RYR2: variants seen among roughly 807,000 people sequenced by gnomAD.
The protein encoded by RYR2 is cardiac muscle ryanodine receptor-calcium release channel.
A neutral mutation model predicts 601.1 loss-of-function variants in RYR2; 227 were observed. That is an observed-to-expected ratio of 0.38 (90% CI 0.34 to 0.42). The LOEUF (loss-of-function observed/expected upper bound fraction) is 0.42. Ranked by LOEUF, RYR2 falls within the 10% of genes least tolerant of loss-of-function variation. The pLI, the probability that RYR2 is intolerant of heterozygous loss-of-function variation, is 1.00. For synonymous variants in RYR2, 2,223 were observed against 2,175.1 expected (o/e 1.02, Z -0.61); for missense variants, 4,646 against 6,156.5 (o/e 0.75, Z 8.21).
In RYR2 at chr1:237,591,783, C is replaced by A. The variant is rs1444071182; in HGVS notation, c.4205C>A (p.Ser1402Tyr). ...RTKPDYSTSH[S>Y]ARLTEDVLAD... ...AAGCCAGATTACAGCACAAGCCATT[C>A]TGCAAGACTCACCGAAGATGTCCTT... Residue 1402 changes from serine to tyrosine, a missense_variant, in exon 32 of 105, where the codon TCT becomes TAT. Coordinates refer to ENST00000366574, the MANE Select transcript of RYR2 (RefSeq NM_001035.3). 4.3e-6 allele frequency: 7 copies of A among 1,613,714 alleles called. No homozygotes were observed. Among genetic ancestry groups the A allele is most frequent in the Non-Finnish European group, 5.9e-6 (7 of 1,179,788 alleles).
rs1318465980 is a variant in RYR2 at position 237,565,169 on chromosome 1, T to C, written c.3215-1398T>C. Among the ~76,000 whole-genome samples, 25 of 24,032 alleles carry C rather than the reference T, an allele frequency of 1.0e-3. 2 individuals carry two copies. The highest frequency in any genetic ancestry group is 0.028 in the Middle Eastern group (1 of 36). The allele number at this position is 24,032 out of a possible 152,430, so 15.8% of individuals were successfully genotyped here. ...TCTTTCTTTCTTTCTCTTTCTTTCT[T>C]TCTTTCTTTCTTTCTTTCTTTCTTT... On this transcript the variant is annotated intron_variant, in intron 27 of 104. Transcript: ENST00000366574.
At position 237,417,717 on chromosome 1, in the gene RYR2, A is replaced by C. The variant is rs73104440; in HGVS notation, c.848+594A>C. On this transcript the variant is annotated intron_variant, in intron 11 of 104. Coordinates refer to ENST00000366574, the MANE Select transcript of RYR2 (RefSeq NM_001035.3). ...AATATTTATGAAACATAAATGTATA[A>C]AGTATTTTTTTCTGATGACTTAACT... 3.0e-3 allele frequency among the ~76,000 whole-genome samples: 452 copies of C among 152,162 alleles called. 2 individuals carry two copies. Among genetic ancestry groups the C allele is most frequent in the African/African-American group, 0.01 (428 of 41,440 alleles).
At chr1:237,364,114 A>C (rs2149725798) in intron 4 of RYR2, among the ~76,000 whole-genome samples, 1 of 152,276 alleles carries the variant, frequency 6.6e-6, no homozygotes, top group East Asian at 1.9e-4. Flanking sequence ...GCATGTTTTC[A>C]CAGAAAAAGG....
chr1:237,184,334 C>T (rs1409000467), intron 1 of RYR2, among the ~76,000 whole-genome samples: 1 of 152,140 alleles, frequency 6.6e-6, no homozygotes, highest in East Asian at 1.9e-4. Context: ...CCCTTTCTCC[C>T]AATTATGAGA....
chr1:237,426,013 C>A (rs1024416929), intron 12 of RYR2, among the ~76,000 whole-genome samples: 31 of 151,476 alleles, frequency 2.0e-4, no homozygotes, highest in African/African-American at 6.5e-4. Context: ...TAATCATTAC[C>A]CTTTATTGTA....
In RYR2 at chr1:237,146,076, A is replaced by G. The variant is rs145639139; in HGVS notation, c.48+103507A>G. Among the ~76,000 whole-genome samples, 18 of 152,350 alleles carry G rather than the reference A, an allele frequency of 1.2e-4. No individual in the cohort carries two copies. In the East Asian group the frequency reaches 3.3e-3, roughly 28 times the overall value. On this transcript the variant is annotated intron_variant, in intron 1 of 104. Transcript: ENST00000366574. ...ATATTGACTGCAGAGGGACTATAGCATATATTTGGGTAACAAATTTGATAT... is the reference window on the plus strand; with the variant it reads ...ATATTGACTGCAGAGGGACTATAGCGTATATTTGGGTAACAAATTTGATAT...
intron 1 of RYR2, among the ~76,000 whole-genome samples, chr1:237,158,090 A>G (rs757485969): frequency 6.6e-6 from 1 of 152,238 alleles, no homozygotes; most frequent in Non-Finnish European, 1.5e-5. Context: ...AAAAATGGAA[A>G]TAAAAGTACC....
At chr1:237,061,291 CTA>C (rs1558164216) in intron 1 of RYR2, among the ~76,000 whole-genome samples, 1 of 111,658 alleles carries the variant, frequency 9.0e-6, no homozygotes, top group African/African-American at 3.0e-5. Context: ...ATCTATCTAT[CTA>C]TCTATCTATC....
At chr1:237,446,489 C>T (rs994470860) in intron 14 of RYR2, among the ~76,000 whole-genome samples, 12 of 151,938 alleles carry the variant, frequency 7.9e-5, no homozygotes, top group African/African-American at 2.7e-4. Flanking sequence ...ACCTTTTTAC[C>T]AGTTTATTGG....
chr1:237,450,854 G>A (rs1171785935), intron 14 of RYR2, among the ~76,000 whole-genome samples: 2 of 152,050 alleles, frequency 1.3e-5, no homozygotes, highest in African/African-American at 4.8e-5. Flanking sequence ...TCTTTCTCTT[G>A]TGCTTAACTG....
intron 1 of RYR2, among the ~76,000 whole-genome samples, chr1:237,044,601 C>A (rs532698114): frequency 6.6e-6 from 1 of 150,742 alleles, no homozygotes; most frequent in Admixed American, 6.6e-5. Flanking sequence ...GCTGTGCTGA[C>A]GACAAATGAC....
At chr1:237,346,539 A>G (rs1243720275) in intron 3 of RYR2, among the ~76,000 whole-genome samples, 1 of 152,178 alleles carries the variant, frequency 6.6e-6, no homozygotes, top group Non-Finnish European at 1.5e-5. Context: ...ATACTTAAGA[A>G]TAAAATTTCT....
At chr1:237,109,680 A>G (rs10925316) in intron 1 of RYR2, among the ~76,000 whole-genome samples, 99,605 of 150,858 alleles carry the variant, frequency 0.66, 33,584 homozygotes, top group Admixed American at 0.77. Flanking sequence ...ATATTTGCTG[A>G]CACTGCACTC....
At chr1:237,337,433 C>G (rs533892044) in intron 3 of RYR2, among the ~76,000 whole-genome samples, 22 of 152,244 alleles carry the variant, frequency 1.4e-4, no homozygotes, top group African/African-American at 5.3e-4. Context: ...TATATAAATG[C>G]AAGAGCAAAA....
chr1:237,639,058 C>G lies in RYR2; in HGVS notation c.6972C>G (p.Leu2324=). The G allele has an allele frequency of 1.2e-6, 2 of 1,613,874 alleles. No homozygotes were observed. The highest frequency in any genetic ancestry group is 1.7e-4 in the Middle Eastern group (1 of 6,046). The change falls in exon 46 of 105, where the codon CTC becomes CTG. Residue 2324 remains leucine (L), a synonymous_variant. Coordinates refer to ENST00000366574, the MANE Select transcript of RYR2 (RefSeq NM_001035.3). ...EENANVVVRL[L]IRRPECFGPA... Reference sequence around the variant, plus strand: ...ATGCAAATGTCGTGGTGAGATTGCTCATTCGGAGGCCTGAGTGTTTTGGTC... The same window carrying G: ...ATGCAAATGTCGTGGTGAGATTGCTGATTCGGAGGCCTGAGTGTTTTGGTC...
In RYR2 at chr1:237,668,026, T is replaced by TCGTC. The variant is rs1258110277; in HGVS notation, c.8590+69_8590+72dup. The TCGTC allele has an allele frequency of 4.9e-6, 6 of 1,229,632 alleles. No homozygotes were observed. The East Asian group carries it at 1.6e-4, about 32-fold the overall frequency. 76.2% of individuals were successfully genotyped at this position (1,229,632 alleles called of 1,614,324 possible). On this transcript the variant is annotated intron_variant, in intron 58 of 104. Coordinates refer to ENST00000366574, the MANE Select transcript of RYR2 (RefSeq NM_001035.3). ...CAATTCCATGAGTGTATGGATGAAG[T>TCGTC]CGTCTTCAGCACAACAGCTTATTAT...
intron 62 of RYR2, among the ~76,000 whole-genome samples, chr1:237,681,223 T>C (rs1310447063): frequency 1.3e-5 from 2 of 152,214 alleles, no homozygotes; most frequent in African/African-American, 2.4e-5. Flanking sequence ...CAAAAGTCCA[T>C]ACCAAGCTTT....
In RYR2 at chr1:237,050,259, A is replaced by G. The variant is rs139293388; in HGVS notation, c.48+7690A>G. 3.4e-3 allele frequency among the ~76,000 whole-genome samples: 525 copies of G among 152,324 alleles called. 4 individuals are homozygous for G. Among genetic ancestry groups the G allele is most frequent in the East Asian group, 0.034 (177 of 5,176 alleles). ...TTTACTGGAAGAAAACCTGAAATCT[A>G]GCTGTGGAGCCAAGATAGATGCAGA... On this transcript the variant is annotated intron_variant, in intron 1 of 104. Transcript: ENST00000366574.
At chr1:237,352,745 A>G (rs1353528652) in intron 3 of RYR2, 1 of 349,438 alleles carries the variant, frequency 2.9e-6, no homozygotes, top group East Asian at 7.7e-5. Context: ...AGAAAAATAG[A>G]GCAGGATAGA....
Sources: allele counts gnomAD v4.1 joint callset (sites outside exome capture counted in the v4.1 genomes callset), GRCh38; gene constraint gnomAD v4.1.1; transcripts MANE v1.5; gene names NCBI Gene and HGNC (gene_info 2026-07-23, HGNC 2026-07-21).